Variants in GCM1 observed in about 807,000 individuals in gnomAD.
The protein encoded by GCM1 is chorion-specific transcription factor GCMa.
A neutral mutation model predicts 25.7 loss-of-function variants in GCM1; 2 were observed. The ratio of observed to expected loss-of-function variants is 0.08; its 90% CI spans 0.03 to 0.24. The LOEUF (loss-of-function observed/expected upper bound fraction) is 0.24. GCM1 is among the 10% of genes least tolerant of loss of function. GCM1 has a pLI of 1.00. For missense variants in GCM1, 395 were observed against 538.7 expected, an observed-to-expected ratio of 0.73 and a Z score of 2.64; for synonymous variants, 183 against 195.7, an observed-to-expected ratio of 0.94 and a Z score of 0.54.
chr6:53,142,059 AAAG>A (rs1423281809), intron 2 of GCM1, among the ~76,000 whole-genome samples: 2 of 148,474 alleles, frequency 1.3e-5, no homozygotes, highest in African/African-American at 2.5e-5. Context: ...AAAAAGAAAG[AAAG>A]AAGGAAGGAA....
chr6:53,136,055 T>C (rs1763794364), intron 2 of GCM1, among the ~76,000 whole-genome samples: 2 of 152,244 alleles, frequency 1.3e-5, no homozygotes. Context: ...TTGAATGGAA[T>C]GTCATGGGGC....
At position 53,128,175 on chromosome 6, in the gene GCM1, G is replaced by C; in HGVS notation, c.*31C>G. On this transcript the variant is annotated 3_prime_UTR_variant, in exon 6 of 6. Transcript: ENST00000259803. ...CTTTCAGCCCTTCCCCATTTTTGAGGGGCTGGGGTGCACATAGTGAAAGAT... is the reference window on the plus strand; with the variant it reads ...CTTTCAGCCCTTCCCCATTTTTGAGCGGCTGGGGTGCACATAGTGAAAGAT... 6.4e-7 allele frequency: 1 copy of C among 1,566,616 alleles called. No individual in the cohort carries two copies. Among genetic ancestry groups the C allele is most frequent in the Non-Finnish European group, 8.7e-7 (1 of 1,155,338 alleles).
chr6:53,136,558 C>G (rs902040961), intron 2 of GCM1, among the ~76,000 whole-genome samples: 1 of 152,180 alleles, frequency 6.6e-6, no homozygotes, highest in African/African-American at 2.4e-5. Context: ...TGTTATTCTA[C>G]CAGATCTGGA....
chr6:53,148,000 T>TA (rs1169318854), intron 1 of GCM1, among the ~76,000 whole-genome samples: 2 of 152,158 alleles, frequency 1.3e-5, no homozygotes, highest in African/African-American at 2.4e-5. Flanking sequence ...CACATACCCA[T>TA]ACTGAGCTAC....
At chr6:53,133,299 G>A (rs1417256046) in intron 3 of GCM1, among the ~76,000 whole-genome samples, 2 of 150,724 alleles carry the variant, frequency 1.3e-5, no homozygotes, top group Admixed American at 1.3e-4. Flanking sequence ...CGAGTAGCTG[G>A]GATTACAGGC....
At chr6:53,142,564 T>A (rs1360103327) in intron 2 of GCM1, among the ~76,000 whole-genome samples, 1 of 152,102 alleles carries the variant, frequency 6.6e-6, no homozygotes, top group Non-Finnish European at 1.5e-5. Context: ...ATTCTAAACA[T>A]CTTAGAGACT....
intron 3 of GCM1, among the ~76,000 whole-genome samples, chr6:53,133,485 C>T: frequency 6.6e-6 from 1 of 152,014 alleles, no homozygotes; most frequent in Non-Finnish European, 1.5e-5. Flanking sequence ...AGCCACAGTG[C>T]CCGGCCATTT....
In GCM1 at chr6:53,128,036, A is replaced by AAAAAAAAAAAAAAAAAAAAAAAAAAAAAG; in HGVS notation, c.*169_*170insCTTTTTTTTTTTTTTTTTTTTTTTTTTTT. 1 of 283,352 alleles carries AAAAAAAAAAAAAAAAAAAAAAAAAAAAAG rather than the reference A, an allele frequency of 3.5e-6. No individual in the cohort carries two copies. The highest frequency in any genetic ancestry group is 6.4e-6 in the Non-Finnish European group (1 of 155,428). The allele number at this position is 283,352 out of a possible 1,614,324, so 17.6% of individuals were successfully genotyped here. A position where few individuals can be genotyped will look rare whatever the true frequency, so the allele number is the denominator to read the frequency against. ...AGAGCAAGACTCTGTCTCAAAAAAA[A>AAAAAAAAAAAAAAAAAAAAAAAAAAAAAG]AAAAAAAAAAAAAAAAAGAAGGAAA... On this transcript the variant is annotated 3_prime_UTR_variant, in exon 6 of 6. Transcript: ENST00000259803.
rs778431776 is a variant in GCM1 at position 53,130,821 on chromosome 6, C to T, written c.552G>A (p.Lys184=). The T allele has an allele frequency of 2.5e-6, 4 of 1,613,924 alleles. No homozygotes were observed. Among genetic ancestry groups the T allele is most frequent in the East Asian group, 2.2e-5 (1 of 44,878 alleles). ...GGATTACCCTGGTCTCTGTGCTCCCCTTCAGGCTCAATGAGACGGAGGAAG... is the reference window on the plus strand; with the variant it reads ...GGATTACCCTGGTCTCTGTGCTCCCTTTCAGGCTCAATGAGACGGAGGAAG... ...TAPSSVSLSL[K]GSTETRSLPG... Residue 184 remains lysine (K), a synonymous_variant, in exon 5 of 6, where the codon AAG becomes AAA. Transcript: ENST00000259803.
intron 2 of GCM1, among the ~76,000 whole-genome samples, chr6:53,143,613 ATTAAAGTTTACT>A (rs1356507805): frequency 6.6e-6 from 1 of 152,182 alleles, no homozygotes; most frequent in Non-Finnish European, 1.5e-5. Flanking sequence ...GCCAAGAGAA[ATTAAAGTTTACT>A]TTAAAGTTTC....
chr6:53,129,256 T>C (rs1402398051), intron 5 of GCM1, among the ~76,000 whole-genome samples: 1 of 143,092 alleles, frequency 7.0e-6, no homozygotes, highest in East Asian at 2.1e-4. Flanking sequence ...GATATCCTAA[T>C]TGCTTTTTAT....
At chr6:53,137,644 A>G (rs1169104966) in intron 2 of GCM1, among the ~76,000 whole-genome samples, 1 of 152,050 alleles carries the variant, frequency 6.6e-6, no homozygotes, top group Non-Finnish European at 1.5e-5. Flanking sequence ...AAAACAAAAC[A>G]AAATTTGAGT....
At chr6:53,130,494 G>A (rs1763708439) in intron 5 of GCM1, among the ~76,000 whole-genome samples, 1 of 152,136 alleles carries the variant, frequency 6.6e-6, no homozygotes, top group Admixed American at 6.5e-5. Context: ...TGTGGAGATT[G>A]TTTCAATTGT....
At chr6:53,136,868 T>C (rs1034842054) in intron 2 of GCM1, among the ~76,000 whole-genome samples, 13 of 151,968 alleles carry the variant, frequency 8.6e-5, no homozygotes, top group Non-Finnish European at 1.9e-4. Flanking sequence ...CCTTGCTTCT[T>C]GGGAGGCCGA....
At chr6:53,148,172 A>G (rs149948279) in intron 1 of GCM1, among the ~76,000 whole-genome samples, 2,709 of 152,340 alleles carry the variant, frequency 0.018, 33 homozygotes, top group African/African-American at 0.025. Context: ...AAGGACTTAA[A>G]TAACAGGTAT....
At chr6:53,131,211 G>A (rs1324568392) in intron 4 of GCM1, among the ~76,000 whole-genome samples, 2 of 152,258 alleles carry the variant, frequency 1.3e-5, no homozygotes, top group African/African-American at 4.8e-5. Context: ...CACCCTGTGT[G>A]CCTTATATCT....
At position 53,132,587 on chromosome 6, in the gene GCM1, C is replaced by T. The variant is rs149660842; in HGVS notation, c.329-468G>A. Among the ~76,000 whole-genome samples the T allele has an allele frequency of 8.0e-3, 1,215 of 152,286 alleles. 18 individuals are homozygous for T. The highest frequency in any genetic ancestry group is 0.028 in the African/African-American group (1,171 of 41,550). ...ATTAGCTGGGCGTGGTGGTGCACAC[C>T]TGTAGTCCCAGCTACTAGGGAGGCT... On this transcript the variant is annotated intron_variant, in intron 3 of 5. Coordinates refer to ENST00000259803, the MANE Select transcript of GCM1 (RefSeq NM_003643.4).
intron 2 of GCM1, among the ~76,000 whole-genome samples, chr6:53,138,931 T>C (rs943487495): frequency 2.6e-5 from 4 of 152,230 alleles, no homozygotes; most frequent in Non-Finnish European, 5.9e-5. Context: ...TTTCAGAGGT[T>C]ATCTGAAGAA....
intron 2 of GCM1, among the ~76,000 whole-genome samples, chr6:53,144,007 T>G (rs1763917878): frequency 6.6e-6 from 1 of 152,342 alleles, no homozygotes; most frequent in Non-Finnish European, 1.5e-5. Context: ...CTGGATTGAC[T>G]TTTTCATGAC....
Sources: allele counts gnomAD v4.1 joint callset (sites outside exome capture counted in the v4.1 genomes callset), GRCh38; gene constraint gnomAD v4.1.1; transcripts MANE v1.5; gene names NCBI Gene and HGNC (gene_info 2026-07-23, HGNC 2026-07-21).